The following PRTFDC1 variants were observed in gnomAD, a reference collection of about 807,000 sequenced individuals.
The protein encoded by PRTFDC1 is phosphoribosyltransferase domain-containing protein 1.
PRTFDC1 carries 38 observed loss-of-function variants against 34.6 expected under a neutral mutation model. The ratio of observed to expected loss-of-function variants is 1.10; its 90% CI spans 0.85 to 1.44. The LOEUF is 1.44. Among genes scored for constraint, PRTFDC1 ranks in the 40% most tolerant of loss-of-function variants. The probability of loss-of-function intolerance (pLI) is 0.00; values close to 1 mark genes in which losing one functional copy is unlikely to be tolerated. For synonymous variants in PRTFDC1, 93 were observed against 98.1 expected, an observed-to-expected ratio of 0.95 and a Z score of 0.31; for missense variants, 270 against 283.0, an observed-to-expected ratio of 0.95 and a Z score of 0.33.
intron 3 of PRTFDC1, among the ~76,000 whole-genome samples, chr10:24,915,412 T>A (rs1848680802): frequency 6.6e-6 from 1 of 152,200 alleles, no homozygotes; most frequent in Non-Finnish European, 1.5e-5. Context: ...CTTCTTATGT[T>A]CCTTTTCATG....
In PRTFDC1 at chr10:24,872,098, T is replaced by G. The variant is rs367688499; in HGVS notation, c.340-35A>C. ...AGAAGAAAAAAAAGGGAGACAATTTTACCGCACAAGAAAACCTTTAAAGCA... is the reference window on the plus strand; with the variant it reads ...AGAAGAAAAAAAAGGGAGACAATTTGACCGCACAAGAAAACCTTTAAAGCA... On this transcript the variant is annotated intron_variant, in intron 3 of 8. Transcript: ENST00000320152. 4.5e-6 allele frequency: 7 copies of G among 1,547,174 alleles called. No homozygotes were observed. The African/African-American group carries it at 8.2e-5, about 18-fold the overall frequency.
intron 8 of PRTFDC1, 49 bp downstream of exon 8, chr10:24,851,336 ATTG>A: frequency 6.3e-7 from 1 of 1,578,642 alleles, no homozygotes. Context: ...ACTTTTTTAA[ATTG>A]TTAAGTTCTT....
At chr10:24,911,870 A>G (rs1564310405) in intron 3 of PRTFDC1, among the ~76,000 whole-genome samples, 1 of 141,134 alleles carries the variant, frequency 7.1e-6, no homozygotes, top group Non-Finnish European at 1.6e-5. Flanking sequence ...CCATCTCAAA[A>G]AAAACAAAAC....
rs755657248 is a variant in PRTFDC1 at position 24,851,470 on chromosome 10, C to A, written c.554-6G>T. 1.9e-6 allele frequency: 3 copies of A among 1,601,460 alleles called. No homozygotes were observed. Among genetic ancestry groups the A allele is most frequent in the East Asian group, 4.5e-5 (2 of 44,632 alleles). ...TGGAATCTCAAATCCAGCATCTTAG[C>A]AGACAGAGAAAGAGAAAAAAAAAAA... On this transcript the variant is annotated splice_region_variant and splice_polypyrimidine_tract_variant and intron_variant, in intron 7 of 8. Coordinates refer to ENST00000320152, the MANE Select transcript of PRTFDC1 (RefSeq NM_020200.7).
rs1564316117 is a variant in PRTFDC1, at chr10:24,929,059, AGAAAGAAAGAAAG to A, written c.339+8112_339+8124del. Among the ~76,000 whole-genome samples the A allele has an allele frequency of 8.9e-4, 119 of 134,160 alleles. 20 individuals are homozygous for A. Among genetic ancestry groups the A allele is most frequent in the African/African-American group, 2.6e-3 (81 of 31,706 alleles). The allele number at this position is 134,160 out of a possible 152,430, so 88.0% of individuals were successfully genotyped here. ...CCGTCTCAAAAAAAAAAAAAAAGAA[AGAAAGAAAGAAAG>A]AAAGGGAGGCTTTCAATTCCAGGCA... is the stretch of plus-strand genomic sequence containing the variant. On this transcript the variant is annotated intron_variant, in intron 3 of 8. Transcript: ENST00000320152.
At chr10:24,908,881 G>A in intron 3 of PRTFDC1, 1 of 802,884 alleles carries the variant, frequency 1.2e-6, no homozygotes, top group Non-Finnish European at 1.9e-6. Context: ...GCTGGGGTGA[G>A]AATGCAGGAT....
intron 3 of PRTFDC1, among the ~76,000 whole-genome samples, chr10:24,889,950 A>G (rs1202727527): frequency 1.3e-5 from 2 of 152,204 alleles, no homozygotes; most frequent in Non-Finnish European, 2.9e-5. Flanking sequence ...TTCTGTGTAA[A>G]CAGCGTTGCT....
At chr10:24,884,225 G>T (rs1455637817) in intron 3 of PRTFDC1, among the ~76,000 whole-genome samples, 1 of 151,784 alleles carries the variant, frequency 6.6e-6, no homozygotes, top group Admixed American at 6.6e-5. Flanking sequence ...TTTTTCAAAA[G>T]TAACAACATC....
chr10:24,897,252 C>A (rs1462008500), intron 3 of PRTFDC1, among the ~76,000 whole-genome samples: 2 of 152,166 alleles, frequency 1.3e-5, no homozygotes, highest in Non-Finnish European at 2.9e-5. Flanking sequence ...GGAGAGCATT[C>A]TGAACCAGTA....
intron 4 of PRTFDC1, chr10:24,867,630 T>C (rs777834369): frequency 2.6e-5 from 4 of 152,140 alleles, no homozygotes; most frequent in Non-Finnish European, 5.9e-5. Context: ...GATCCTACTC[T>C]TTTCTCGATT....
intron 2 of PRTFDC1, among the ~76,000 whole-genome samples, chr10:24,940,388 C>T (rs1193168961): frequency 1.3e-5 from 2 of 152,048 alleles, no homozygotes; most frequent in African/African-American, 4.8e-5. Flanking sequence ...AGAAGATGAA[C>T]AATTGAATTT....
intron 3 of PRTFDC1, among the ~76,000 whole-genome samples, chr10:24,934,214 A>AAAGAAGAAGAAG (rs57514580): frequency 5.5e-5 from 8 of 146,760 alleles, no homozygotes; most frequent in Non-Finnish European, 8.9e-5. Context: ...TACTGGACAC[A>AAAGAAGAAGAAG]AAGAAGAAGA....
chr10:24,927,339 A>T (rs1848893145), intron 3 of PRTFDC1, among the ~76,000 whole-genome samples: 1 of 152,182 alleles, frequency 6.6e-6, no homozygotes, highest in Non-Finnish European at 1.5e-5. Flanking sequence ...GTCACAGAGA[A>T]ATTATGTTCT....
intron 3 of PRTFDC1, among the ~76,000 whole-genome samples, chr10:24,921,361 C>A (rs1588615113): frequency 6.6e-6 from 1 of 152,170 alleles, no homozygotes; most frequent in African/African-American, 2.4e-5. Flanking sequence ...ATCCACACCC[C>A]AAAACAACAC....
At chr10:24,943,094 A>C (rs1849194163) in intron 1 of PRTFDC1, among the ~76,000 whole-genome samples, 1 of 149,860 alleles carries the variant, frequency 6.7e-6, no homozygotes, top group African/African-American at 2.4e-5. Flanking sequence ...CATAATAAAC[A>C]ACATATTTGT....
chr10:24,858,797 G>A (rs1334997394), intron 4 of PRTFDC1, among the ~76,000 whole-genome samples: 2 of 152,098 alleles, frequency 1.3e-5, no homozygotes, highest in East Asian at 1.9e-4. Flanking sequence ...AATGGAGACC[G>A]TGCTCGGTAA....
At chr10:24,871,808 T>G (rs111631022) in intron 4 of PRTFDC1, among the ~76,000 whole-genome samples, 190 bp downstream of exon 4, 47 of 152,244 alleles carry the variant, frequency 3.1e-4, no homozygotes, top group African/African-American at 1.1e-3. Flanking sequence ...TTGGTCTGCA[T>G]GGTGTCTTGG....
chr10:24,904,605 C>T (rs866216436), intron 3 of PRTFDC1, among the ~76,000 whole-genome samples: 1 of 152,162 alleles, frequency 6.6e-6, no homozygotes, highest in Non-Finnish European at 1.5e-5. Context: ...GATCACCTGG[C>T]TCCCTGACTT....
chr10:24,855,295 AC>A, intron 7 of PRTFDC1, 22 bp downstream of exon 7: 6 of 1,606,448 alleles, frequency 3.7e-6, no homozygotes, highest in Non-Finnish European at 5.1e-6. Flanking sequence ...AAACAAACAA[AC>A]AAAAAACTGA....
Sources: gnomAD v4.1 joint callset for allele counts (sites outside exome capture counted in the v4.1 genomes callset) on GRCh38, gnomAD v4.1.1 for gene constraint, MANE v1.5 for transcripts, NCBI Gene and HGNC (gene_info 2026-07-23, HGNC 2026-07-21) for gene names.